Variants in DLGAP5 observed in about 807,000 individuals in gnomAD.
DLGAP5 encodes the protein disks large-associated protein 5.
Under a neutral mutation model 99.6 loss-of-function variants are expected in DLGAP5, and 90 were observed. That is an observed-to-expected ratio of 0.90 (90% CI 0.76 to 1.08). The LOEUF (loss-of-function observed/expected upper bound fraction) is 1.08. DLGAP5 is among the 50% of genes least tolerant of loss of function. The probability of loss-of-function intolerance (pLI) is 0.00; values close to 1 mark genes in which losing one functional copy is unlikely to be tolerated. For missense variants in DLGAP5, 1,036 were observed against 983.5 expected (o/e 1.05, Z -0.71); for synonymous variants, 311 against 321.3 (o/e 0.97, Z 0.34).
chr14:55,149,920 GCA>G (rs1248415828), intron 18 of DLGAP5, among the ~76,000 whole-genome samples: 2 of 151,954 alleles, frequency 1.3e-5, no homozygotes, highest in Admixed American at 1.3e-4. Context: ...AGGTGTGGTG[GCA>G]AGCACCTGTA....
At chr14:55,168,059 TTCTTA>T in intron 12 of DLGAP5, among the ~76,000 whole-genome samples, 1 of 152,276 alleles carries the variant, frequency 6.6e-6, no homozygotes, top group Middle Eastern at 3.4e-3. Context: ...CCATGTAATT[TTCTTA>T]TCTAATCTCT....
At chr14:55,178,472 T>C (rs1883158932) in intron 7 of DLGAP5, among the ~76,000 whole-genome samples, 2 of 152,232 alleles carry the variant, frequency 1.3e-5, no homozygotes, top group Non-Finnish European at 2.9e-5. Context: ...ATTTAAATAA[T>C]TTCTAGAGGT....
At chr14:55,189,210 A>T in intron 1 of DLGAP5, 30 bp from the exon 2 acceptor site, 1 of 1,544,700 alleles carries the variant, frequency 6.5e-7, no homozygotes, top group Non-Finnish European at 8.9e-7. Flanking sequence ...AACCCAACTT[A>T]CATGAATTTT....
chr14:55,150,869 A>C lies in DLGAP5; in HGVS notation c.2369-21T>G, dbSNP rs79582807. On this transcript the variant is annotated intron_variant, in intron 17 of 18. Transcript: ENST00000247191. Reference sequence around the variant, plus strand: ...TAGTTCTGAAAAACAACAAAAAAAAACTTTTTAAAGAATATTCTCACATTC... The same window carrying C: ...TAGTTCTGAAAAACAACAAAAAAAACCTTTTTAAAGAATATTCTCACATTC... The C allele has an allele frequency of 3.1e-5, 41 of 1,336,368 alleles. No homozygotes were observed. The East Asian group carries it at 3.5e-4, about 12-fold the overall frequency. 82.8% of individuals were successfully genotyped at this position (1,336,368 alleles called of 1,614,324 possible).
chr14:55,169,635 C>CTTCA, intron 11 of DLGAP5, 76 bp from the exon 12 acceptor site: 2 of 1,300,718 alleles, frequency 1.5e-6, no homozygotes, highest in Non-Finnish European at 2.0e-6. Flanking sequence ...ACTGATAAGA[C>CTTCA]TTCACTCCAA....
chr14:55,171,004 T>A (rs1260786059), intron 10 of DLGAP5, among the ~76,000 whole-genome samples: 2 of 152,246 alleles, frequency 1.3e-5, no homozygotes, highest in Non-Finnish European at 2.9e-5. Context: ...ACCTAAAACT[T>A]ATGTGGCTGG....
intron 2 of DLGAP5, among the ~76,000 whole-genome samples, chr14:55,187,077 T>C (rs1399620391): frequency 6.6e-6 from 1 of 152,020 alleles, no homozygotes; most frequent in Non-Finnish European, 1.5e-5. Context: ...AGCTGATTTT[T>C]GTATTTTTAG....
intron 6 of DLGAP5, among the ~76,000 whole-genome samples, chr14:55,180,356 T>C (rs916744441): frequency 1.3e-5 from 2 of 152,188 alleles, no homozygotes; most frequent in African/African-American, 4.8e-5. Context: ...CATTAAGTGT[T>C]CTTTAATAAT....
chr14:55,150,894 C>T (rs57750925), intron 17 of DLGAP5, 46 bp from the exon 18 acceptor site: 35,046 of 1,310,754 alleles, frequency 0.027, 2,598 homozygotes, highest in African/African-American at 0.25. Flanking sequence ...TTCTCACATT[C>T]GAGGGCTGTT....
At chr14:55,164,557 C>T (rs1390843040) in intron 12 of DLGAP5, among the ~76,000 whole-genome samples, 1 of 151,868 alleles carries the variant, frequency 6.6e-6, no homozygotes, top group East Asian at 1.9e-4. Flanking sequence ...GGAGAAAACA[C>T]AGGAGAAAAT....
At chr14:55,173,618 C>T (rs1486375263) in intron 10 of DLGAP5, among the ~76,000 whole-genome samples, 3 of 147,376 alleles carry the variant, frequency 2.0e-5, no homozygotes, top group Non-Finnish European at 4.5e-5. Context: ...TATATATATA[C>T]ATGTTGCAGG....
At chr14:55,166,775 T>C (rs986862687) in intron 12 of DLGAP5, among the ~76,000 whole-genome samples, 10 of 151,862 alleles carry the variant, frequency 6.6e-5, no homozygotes, top group Non-Finnish European at 1.5e-4. Flanking sequence ...ATTGTGGTGA[T>C]GGTTGCATAA....
At chr14:55,151,396 T>TAA (rs926477415) in intron 17 of DLGAP5, among the ~76,000 whole-genome samples, 4 of 151,662 alleles carry the variant, frequency 2.6e-5, no homozygotes, top group Non-Finnish European at 5.9e-5. Flanking sequence ...CTACTAAAAA[T>TAA]AAAAAAATTA....
At chr14:55,159,083 A>T (rs1205579077) in intron 13 of DLGAP5, among the ~76,000 whole-genome samples, 3 of 142,372 alleles carry the variant, frequency 2.1e-5, no homozygotes, top group South Asian at 2.2e-4. Flanking sequence ...AAAAGTAAAT[A>T]AAAAAAAAGT....
chr14:55,177,323 T>C lies in DLGAP5; in HGVS notation c.788A>G (p.Lys263Arg), dbSNP rs759659926. The C allele has an allele frequency of 2.9e-5, 46 of 1,598,656 alleles. No individual in the cohort carries two copies. The highest frequency in any genetic ancestry group is 8.0e-5 in the South Asian group (7 of 87,786). Residue 263 changes from lysine to arginine, a missense_variant, in exon 8 of 19, where the codon AAA becomes AGA. By Grantham distance (26) the Lys-to-Arg change is conservative. Coordinates refer to ENST00000247191, the MANE Select transcript of DLGAP5 (RefSeq NM_014750.5). ...ETKPDKGISC[K>R]VDSEENTLNS... The stretch of plus-strand genomic sequence containing the variant: ...CAAAGTATTTTCTTCACTATCGACT[T>C]TACAAGAAATACCCTAGGATGTGAG...
At chr14:55,171,261 G>A (rs1306925720) in intron 10 of DLGAP5, among the ~76,000 whole-genome samples, 1 of 152,132 alleles carries the variant, frequency 6.6e-6, no homozygotes, top group East Asian at 1.9e-4. Flanking sequence ...TTCTCAACTG[G>A]GTCAATTTTG....
chr14:55,163,015 C>T lies in DLGAP5; in HGVS notation c.1609G>A (p.Val537Ile). 6.2e-7 allele frequency: 1 copy of T among 1,601,504 alleles called. No homozygotes were observed. The highest frequency in any genetic ancestry group is 8.5e-7 in the Non-Finnish European group (1 of 1,174,254). ...ATATTATGATTCATATTATTATTGA[C>T]TTGCCACCCAGATTCCTCAAGTTTG... ...LIKLEESGWQ[V>I]NNNMNHNMNK... Residue 537 changes from valine (V) to isoleucine (I), a missense_variant, in exon 13 of 19, where the codon GTC becomes ATC. Physicochemically the swap from Val to Ile is conservative, Grantham distance 29. Transcript: ENST00000247191.
Position 55,185,920 on chromosome 14 carries a change from C to T in DLGAP5, c.239-2167G>A, listed in dbSNP as rs1007679998. ...AACATTTTGCTGCAGTTGTTTAAAA[C>T]AAATTATGCTTAGAAGATTTCATCT... On this transcript the variant is annotated intron_variant, in intron 2 of 18. Coordinates refer to ENST00000247191, the MANE Select transcript of DLGAP5 (RefSeq NM_014750.5). Among the ~76,000 whole-genome samples, 3 of 152,204 alleles carry T rather than the reference C, an allele frequency of 2.0e-5. No individual in the cohort carries two copies. The East Asian group carries it at 5.8e-4, about 29-fold the overall frequency.
At chr14:55,184,962 T>C (rs965292808) in intron 2 of DLGAP5, among the ~76,000 whole-genome samples, 2 of 152,236 alleles carry the variant, frequency 1.3e-5, no homozygotes, top group African/African-American at 4.8e-5. Context: ...AATACAATTA[T>C]AGGTGCTATT....
Sources: gnomAD v4.1 joint callset for allele counts (sites outside exome capture counted in the v4.1 genomes callset) on GRCh38, gnomAD v4.1.1 for gene constraint, MANE v1.5 for transcripts, NCBI Gene and HGNC (gene_info 2026-07-23, HGNC 2026-07-21) for gene names.